PCNX1: variants seen among roughly 807,000 people sequenced by gnomAD.
PCNX1 encodes the protein pecanex-like protein 1.
In PCNX1, 78 loss-of-function variants were observed where a neutral mutation model predicts 242.2. The ratio of observed to expected loss-of-function variants is 0.32; its 90% CI spans 0.27 to 0.39. PCNX1 has a LOEUF of 0.39. Ranked by LOEUF, PCNX1 falls within the 10% of genes least tolerant of loss-of-function variation. PCNX1 has a pLI of 1.00. For missense variants in PCNX1, 2,581 were observed against 2,856.5 expected (o/e 0.90, Z 2.20); for synonymous variants, 1,024 against 1,032.9 (o/e 0.99, Z 0.17).
Position 70,969,003 on chromosome 14 carries a change from T to C in PCNX1, c.515-18T>C. ...ACTGTTAATATAAGGTCCTCACATG[T>C]TTCTCTTAACTTTGTAGGAGATACA... On this transcript the variant is annotated intron_variant, in intron 4 of 35. Coordinates refer to ENST00000304743, the MANE Select transcript of PCNX1 (RefSeq NM_014982.3). 2.7e-6 allele frequency: 4 copies of C among 1,481,212 alleles called. No homozygotes were observed. The highest frequency in any genetic ancestry group is 3.8e-6 in the Non-Finnish European group (4 of 1,059,170). The allele number at this position is 1,481,212 out of a possible 1,614,324, so 91.8% of individuals were successfully genotyped here. A position where few individuals can be genotyped will look rare whatever the true frequency, so the allele number is the denominator to read the frequency against.
At chr14:71,062,136 CTA>C (rs2061340512) in intron 26 of PCNX1, among the ~76,000 whole-genome samples, 1 of 152,110 alleles carries the variant, frequency 6.6e-6, no homozygotes, top group South Asian at 2.1e-4. Context: ...ACCAAGCAAA[CTA>C]TTGTGGACAT....
At chr14:70,911,284 C>T (rs1188775518) in intron 1 of PCNX1, among the ~76,000 whole-genome samples, 2 of 152,104 alleles carry the variant, frequency 1.3e-5, no homozygotes, top group Non-Finnish European at 2.9e-5. Flanking sequence ...ATTTATTCCC[C>T]CCCAAAAAGT....
rs753687581 is a variant in PCNX1, at chr14:70,978,213, T to G, written c.1876T>G (p.Ser626Ala). ...SAHQFSSDSS[S>A]STTSHSCQSP... ...TCACCAGTTCAGCAGTGATAGCTCT[T>G]CTAGCACCACTTCTCATTCCTGTCA... is the stretch of plus-strand genomic sequence containing the variant. The change falls in exon 6 of 36, where the codon TCT (serine) becomes GCT (alanine). Residue 626 changes from serine (S) to alanine (A), a missense_variant. By Grantham distance (99) the Ser-to-Ala change is moderately conservative. Around this residue, in one of 9 missense-constraint regions of PCNX1, gnomAD observed 1,204 missense variants for 1,216.7 expected, o/e 0.99. Coordinates refer to ENST00000304743, the MANE Select transcript of PCNX1 (RefSeq NM_014982.3). 4 of 1,613,986 alleles carry G rather than the reference T, an allele frequency of 2.5e-6. No homozygotes were observed. Among genetic ancestry groups the G allele is most frequent in the Non-Finnish European group, 3.4e-6 (4 of 1,180,002 alleles).
chr14:71,053,320 T>C (rs1336816932), intron 24 of PCNX1: 3 of 451,456 alleles, frequency 6.6e-6, no homozygotes, highest in Middle Eastern at 7.0e-4. Context: ...TCATCCAGGC[T>C]GGAGTGCAAT....
At chr14:71,107,368 A>G (rs1165626577) in intron 33 of PCNX1, among the ~76,000 whole-genome samples, 1 of 151,066 alleles carries the variant, frequency 6.6e-6, no homozygotes, top group Non-Finnish European at 1.5e-5. Context: ...TTTTTTTTTT[A>G]TTTGCTGAAG....
At position 71,047,217 on chromosome 14, in the gene PCNX1, A is replaced by G. The variant is rs557807471; in HGVS notation, c.4160+112A>G. On this transcript the variant is annotated intron_variant, in intron 21 of 35. Coordinates refer to ENST00000304743, the MANE Select transcript of PCNX1 (RefSeq NM_014982.3). ...TGTTTCCTTCATGCAAGGCACTGTG[A>G]GATTAAAAATTTAGGTGACATTTTG... 2.0e-5 allele frequency: 12 copies of G among 603,024 alleles called. No individual in the cohort carries two copies. In the South Asian group the frequency reaches 6.8e-4, roughly 34 times the overall value. 37.4% of individuals were successfully genotyped at this position (603,024 alleles called of 1,614,324 possible).
chr14:70,934,298 G>C (rs1217565384), intron 1 of PCNX1, among the ~76,000 whole-genome samples: 1 of 152,204 alleles, frequency 6.6e-6, no homozygotes, highest in Non-Finnish European at 1.5e-5. Context: ...AGACTAAACT[G>C]TGGGGTAAAT....
At chr14:70,910,064 C>CCCTCCT in intron 1 of PCNX1, among the ~76,000 whole-genome samples, 1 of 2,770 alleles carries the variant, frequency 3.6e-4, no homozygotes, top group African/African-American at 1.5e-3. Context: ...CTCCTCCTCC[C>CCCTCCT]CCTCCTCCTC....
At chr14:70,984,328 A>T (rs2058933293) in intron 6 of PCNX1, among the ~76,000 whole-genome samples, 1 of 151,532 alleles carries the variant, frequency 6.6e-6, no homozygotes, top group African/African-American at 2.4e-5. Flanking sequence ...GCAGTACATG[A>T]CAACTAGAAA....
intron 1 of PCNX1, among the ~76,000 whole-genome samples, chr14:70,934,804 G>T (rs2056936727): frequency 6.6e-6 from 1 of 152,126 alleles, no homozygotes; most frequent in Non-Finnish European, 1.5e-5. Flanking sequence ...TAGATAGAGG[G>T]TTTCAGTTTT....
At position 70,962,208 on chromosome 14, in the gene PCNX1, T is replaced by A; in HGVS notation, c.363-18T>A. 1 of 1,442,908 alleles carries A rather than the reference T, an allele frequency of 6.9e-7. No homozygotes were observed. Among genetic ancestry groups the A allele is most frequent in the Non-Finnish European group, 9.8e-7 (1 of 1,023,872 alleles). The allele number at this position is 1,442,908 out of a possible 1,614,324, so 89.4% of individuals were successfully genotyped here. ...AGAATAATGACAGTTACTCTTTTTC[T>A]CATTTTTTTCTCCACAGTGATCCTG... On this transcript the variant is annotated intron_variant, in intron 2 of 35. Transcript: ENST00000304743.
chr14:70,954,498 C>G (rs2057913660), intron 2 of PCNX1, among the ~76,000 whole-genome samples: 1 of 152,158 alleles, frequency 6.6e-6, no homozygotes, highest in African/African-American at 2.4e-5. Flanking sequence ...TGAGAATTTG[C>G]ATCTTTACAA....
chr14:70,962,087 C>T, intron 2 of PCNX1, 139 bp from the exon 3 acceptor site: 1 of 611,566 alleles, frequency 1.6e-6, no homozygotes. Flanking sequence ...TCGTTGTTTA[C>T]CTTTTTTGCT....
intron 12 of PCNX1, among the ~76,000 whole-genome samples, chr14:71,021,391 A>G (rs552692459): frequency 6.6e-6 from 1 of 152,306 alleles, no homozygotes; most frequent in Admixed American, 6.5e-5. Flanking sequence ...CCTATCCATG[A>G]GCATGGAATG....
chr14:70,987,318 G>A (rs2059029186), intron 6 of PCNX1, among the ~76,000 whole-genome samples: 1 of 152,170 alleles, frequency 6.6e-6, no homozygotes, highest in South Asian at 2.1e-4. Context: ...TAGCAACGGA[G>A]CACTTGAAGT....
chr14:71,060,310 GATA>G (rs1393872800), intron 26 of PCNX1, among the ~76,000 whole-genome samples: 1 of 152,032 alleles, frequency 6.6e-6, no homozygotes, highest in Non-Finnish European at 1.5e-5. Flanking sequence ...ACTAGATAAT[GATA>G]ATAAACAACT....
chr14:70,938,151 G>A (rs1312094536), intron 1 of PCNX1, among the ~76,000 whole-genome samples: 1 of 152,144 alleles, frequency 6.6e-6, no homozygotes, highest in African/African-American at 2.4e-5. Flanking sequence ...GCCCTGGCCA[G>A]AACTTCCAAC....
chr14:71,032,851 A>C (rs1353458790), intron 16 of PCNX1, among the ~76,000 whole-genome samples: 1 of 152,238 alleles, frequency 6.6e-6, no homozygotes, highest in Non-Finnish European at 1.5e-5. Context: ...TGGCTTTGGA[A>C]GATAGCCTTT....
chr14:71,022,181 A>G (rs962718966), intron 12 of PCNX1, among the ~76,000 whole-genome samples: 1 of 152,126 alleles, frequency 6.6e-6, no homozygotes, highest in African/African-American at 2.4e-5. Flanking sequence ...CCCTTTGATG[A>G]CATTTAATGA....
Sources: gnomAD v4.1 joint callset for allele counts (sites outside exome capture counted in the v4.1 genomes callset) on GRCh38, gnomAD v4.1.1 for gene constraint, gnomAD v4.1.1 regional missense constraint, MANE v1.5 for transcripts, NCBI Gene and HGNC (gene_info 2026-07-23, HGNC 2026-07-21) for gene names.